RBFOX3: variants seen among roughly 807,000 people sequenced by gnomAD.
RBFOX3 encodes RNA binding fox-1 homolog 3.
RBFOX3 carries 17 observed loss-of-function variants against 48.7 expected under a neutral mutation model. That is an observed-to-expected ratio of 0.35 (90% confidence interval 0.24 to 0.52). The LOEUF is 0.52. Ranked by LOEUF, RBFOX3 falls within the 20% of genes least tolerant of loss-of-function variation. The probability of loss-of-function intolerance (pLI) is 0.94; values close to 1 mark genes in which losing one functional copy is unlikely to be tolerated. For synonymous variants in RBFOX3, 212 were observed against 209.5 expected (o/e 1.01, Z -0.10); for missense variants, 382 against 497.5 (o/e 0.77, Z 2.21).
intron 4 of RBFOX3, among the ~76,000 whole-genome samples, chr17:79,213,925 A>T (rs141612873): frequency 1.3e-5 from 2 of 152,296 alleles, no homozygotes; most frequent in East Asian, 3.9e-4. Flanking sequence ...GGAATTGAGG[A>T]TGTGAAGGAA....
intron 3 of RBFOX3, among the ~76,000 whole-genome samples, chr17:79,272,368 G>C (rs948179196): frequency 2.0e-5 from 3 of 152,196 alleles, no homozygotes; most frequent in African/African-American, 7.2e-5. Context: ...GTCCAGGCCT[G>C]CATGCAGGTG....
At position 79,443,756 on chromosome 17, in the gene RBFOX3, T is replaced by C. The variant is rs1555736424; in HGVS notation, c.-175+38698A>G. On this transcript the variant is annotated intron_variant, in intron 2 of 14. Transcript: ENST00000693108. This position sits in a 1 kb window ranked among gnomAD's most constrained non-coding sequence, Gnocchi z 4.4. ...CTTGGGATCGCAGCCTCTTCTCCCT[T>C]GTCTAATGACCACACTGTCCCACTG... is the stretch of plus-strand genomic sequence containing the variant. 6.6e-6 allele frequency among the ~76,000 whole-genome samples: 1 copy of C among 152,192 alleles called. No individual in the cohort carries two copies. Among genetic ancestry groups the C allele is most frequent in the African/African-American group, 2.4e-5 (1 of 41,450 alleles).
At chr17:79,409,352 G>A (rs1008021735) in intron 2 of RBFOX3, among the ~76,000 whole-genome samples, 1 of 152,188 alleles carries the variant, frequency 6.6e-6, no homozygotes, top group Non-Finnish European at 1.5e-5. Flanking sequence ...CAGTCTTTTT[G>A]GAGTGTGTGT....
the RBFOX3 span, among the ~76,000 whole-genome samples, chr17:79,635,297 A>G: frequency 2.6e-5 from 4 of 152,008 alleles, no homozygotes; most frequent in African/African-American, 9.7e-5. Context: ...GGGCCCTGGC[A>G]CCTGGAACCA....
chr17:79,403,202 T>TC (rs2063046176), intron 2 of RBFOX3, among the ~76,000 whole-genome samples: 1 of 152,068 alleles, frequency 6.6e-6, no homozygotes, highest in South Asian at 2.1e-4. Context: ...AGCAAGACCC[T>TC]CCCCACCACC....
At chr17:79,462,617 AG>A (rs2075527291) in intron 2 of RBFOX3, among the ~76,000 whole-genome samples, 1 of 152,190 alleles carries the variant, frequency 6.6e-6, no homozygotes, top group Non-Finnish European at 1.5e-5. Flanking sequence ...AGTAGACAGA[AG>A]TTAGGGATCC....
chr17:79,216,933 G>A (rs918477206), intron 4 of RBFOX3, among the ~76,000 whole-genome samples: 2 of 152,008 alleles, frequency 1.3e-5, no homozygotes, highest in African/African-American at 4.8e-5. Flanking sequence ...TTTTACCCCC[G>A]GCCCCTGTCT....
chr17:79,277,509 G>A (rs1076084), intron 3 of RBFOX3, among the ~76,000 whole-genome samples: 2,597 of 152,272 alleles, frequency 0.017, 76 homozygotes, highest in African/African-American at 0.059. Context: ...TCAGTTCCCC[G>A]AAACACCATA....
chr17:79,403,797 T>A (rs1445657458), intron 2 of RBFOX3, among the ~76,000 whole-genome samples: 5 of 148,992 alleles, frequency 3.4e-5, no homozygotes, highest in Admixed American at 1.3e-4. Flanking sequence ...TTTTTTTTTT[T>A]TTTTGAGATG....
chr17:79,630,359 T>C, the RBFOX3 span, among the ~76,000 whole-genome samples: 1 of 152,146 alleles, frequency 6.6e-6, no homozygotes, highest in African/African-American at 2.4e-5. Flanking sequence ...GTCAGGGAGA[T>C]GGGTCATTGT....
At position 79,228,263 on chromosome 17, in the gene RBFOX3, G is replaced by A. The variant is rs183844393; in HGVS notation, c.-34+7503C>T. 1.5e-3 allele frequency among the ~76,000 whole-genome samples: 226 copies of A among 152,270 alleles called. 1 individual carries two copies. The highest frequency in any genetic ancestry group is 0.01 in the Middle Eastern group (3 of 294). On this transcript the variant is annotated intron_variant, in intron 4 of 14. Coordinates refer to ENST00000693108, the MANE Select transcript of RBFOX3 (RefSeq NM_001350451.2). The stretch of plus-strand genomic sequence containing the variant: ...GTGCCTTGGCAAAGCTGTCCGCTCC[G>A]GAGCGGGCGGGGTGGCCATGAAGCC...
At chr17:79,380,385 G>T (rs1301561350) in intron 2 of RBFOX3, among the ~76,000 whole-genome samples, 1 of 152,178 alleles carries the variant, frequency 6.6e-6, no homozygotes, top group South Asian at 2.1e-4. Flanking sequence ...CTTTATCCAA[G>T]GCTCTTGTGA....
intron 1 of RBFOX3, among the ~76,000 whole-genome samples, chr17:79,572,052 G>A (rs1020282259): frequency 7.3e-4 from 111 of 152,288 alleles, no homozygotes; most frequent in African/African-American, 2.0e-3. Flanking sequence ...TGGGCATCCC[G>A]AGAGGCGGGT....
intron 4 of RBFOX3, among the ~76,000 whole-genome samples, chr17:79,138,385 TAC>T (rs1264659750): frequency 3.3e-5 from 5 of 151,972 alleles, no homozygotes; most frequent in Non-Finnish European, 1.5e-5. Context: ...ACTCCACACA[TAC>T]ACAGTGCACA....
At chr17:79,609,880 G>C (rs1164826093) in intron 1 of RBFOX3, among the ~76,000 whole-genome samples, 1 of 151,836 alleles carries the variant, frequency 6.6e-6, no homozygotes, top group African/African-American at 2.4e-5. Context: ...CCACCTTCCC[G>C]AGCGTGCGAG....
intron 4 of RBFOX3, among the ~76,000 whole-genome samples, chr17:79,180,860 C>T (rs1194857371): frequency 6.6e-6 from 1 of 152,056 alleles, no homozygotes; most frequent in Non-Finnish European, 1.5e-5. Context: ...CAACAGCAGG[C>T]TCTGGCTTTC....
At chr17:79,163,621 C>G (rs2047405799) in intron 4 of RBFOX3, among the ~76,000 whole-genome samples, 2 of 152,338 alleles carry the variant, frequency 1.3e-5, no homozygotes, top group South Asian at 4.1e-4. Context: ...TGGTGCTTTC[C>G]TCACCCTGCC....
At chr17:79,401,976 C>A (rs1598534022) in intron 2 of RBFOX3, among the ~76,000 whole-genome samples, 1 of 152,228 alleles carries the variant, frequency 6.6e-6, no homozygotes, top group Non-Finnish European at 1.5e-5. Context: ...GGCTCTCTTA[C>A]AGGTGAGACC....
the RBFOX3 span, among the ~76,000 whole-genome samples, chr17:79,623,896 C>G: frequency 6.7e-6 from 1 of 149,998 alleles, no homozygotes; most frequent in East Asian, 2.0e-4. Flanking sequence ...GGAGGTGGGT[C>G]GGAGAGAGCT....
Sources: allele counts gnomAD v4.1 joint callset (sites outside exome capture counted in the v4.1 genomes callset), GRCh38; gene constraint gnomAD v4.1.1; non-coding constraint Gnocchi (gnomAD v3.1); transcripts MANE v1.5; gene names NCBI Gene and HGNC (gene_info 2026-07-23, HGNC 2026-07-21).